The following DLGAP2 variants were observed in gnomAD, a reference collection of about 807,000 sequenced individuals.
DLGAP2 encodes the protein disks large-associated protein 2.
A neutral mutation model predicts 100.3 loss-of-function variants in DLGAP2; 26 were observed. That is an observed-to-expected ratio of 0.26 (90% confidence interval 0.19 to 0.36). The LOEUF (loss-of-function observed/expected upper bound fraction) is 0.36. DLGAP2 is among the 10% of genes least tolerant of loss of function. DLGAP2 has a pLI of 1.00. For missense variants in DLGAP2, 1,858 were observed against 1,453.2 expected (o/e 1.28, Z -4.53); for synonymous variants, 886 against 630.1 (o/e 1.41, Z -6.08).
At position 1,254,916 on chromosome 8, in the gene DLGAP2, A is replaced by G. The variant is rs55685179; in HGVS notation, c.74-3935A>G. ...GCTGTGTCTGTGCTCTCTCCTGCCCAGGTGCTGTGTGTGTGCCCTCTCCTG... is the reference window on the plus strand; with the variant it reads ...GCTGTGTCTGTGCTCTCTCCTGCCCGGGTGCTGTGTGTGTGCCCTCTCCTG... On this transcript the variant is annotated intron_variant, in intron 2 of 14. Transcript: ENST00000637795. Among the ~76,000 whole-genome samples, 346 of 94,256 alleles carry G rather than the reference A, an allele frequency of 3.7e-3. 2 individuals carry two copies. The highest frequency in any genetic ancestry group is 0.026 in the Middle Eastern group (4 of 154). The allele number at this position is 94,256 out of a possible 152,430, so 61.8% of individuals were successfully genotyped here.
intron 3 of DLGAP2, among the ~76,000 whole-genome samples, chr8:1,367,658 A>G (rs73670790): frequency 0.015 from 2,275 of 152,356 alleles, 46 homozygotes; most frequent in African/African-American, 0.05. Flanking sequence ...TGTGGTTGCT[A>G]TGCATGGAAA....
chr8:929,831 T>C (rs1334753911), intron 2 of DLGAP2, among the ~76,000 whole-genome samples: 1 of 151,460 alleles, frequency 6.6e-6, no homozygotes, highest in Admixed American at 6.6e-5. Context: ...GTACAAGTCA[T>C]TTCCACTTTA....
At chr8:1,436,479 C>T (rs1305572104) in intron 3 of DLGAP2, among the ~76,000 whole-genome samples, 1 of 152,178 alleles carries the variant, frequency 6.6e-6, no homozygotes, top group East Asian at 1.9e-4. Flanking sequence ...CCTCTCCCAG[C>T]CCACTGACTC....
chr8:882,923 G>A (rs1478222595), intron 1 of DLGAP2, among the ~76,000 whole-genome samples: 1 of 152,234 alleles, frequency 6.6e-6, no homozygotes, highest in Non-Finnish European at 1.5e-5. Context: ...GCATCGGTCT[G>A]GGCATGGGTA....
chr8:917,816 G>T (rs1204473438), intron 2 of DLGAP2, among the ~76,000 whole-genome samples: 3 of 151,736 alleles, frequency 2.0e-5, no homozygotes, highest in Non-Finnish European at 2.9e-5. Flanking sequence ...CCTGACCTCG[G>T]GATCCGCCTG....
intron 6 of DLGAP2, among the ~76,000 whole-genome samples, chr8:1,598,003 G>C (rs1198622164): frequency 6.6e-6 from 1 of 152,154 alleles, no homozygotes; most frequent in Non-Finnish European, 1.5e-5. Flanking sequence ...TTGGCTGTGG[G>C]TTTGTCATAA....
At chr8:1,258,980 C>A in intron 3 of DLGAP2, 97 bp downstream of exon 3, 2 of 1,053,964 alleles carry the variant, frequency 1.9e-6, no homozygotes, top group South Asian at 4.8e-5. Context: ...TGGAGAGAAC[C>A]TTGAACATTG....
chr8:1,290,649 C>A (rs889327292), intron 3 of DLGAP2, among the ~76,000 whole-genome samples: 2 of 152,192 alleles, frequency 1.3e-5, no homozygotes, highest in African/African-American at 4.8e-5. Context: ...AGGACGGTGG[C>A]TGACCTTTAA....
At chr8:1,018,701 T>C (rs1270747022) in intron 2 of DLGAP2, 1 of 152,248 alleles carries the variant, frequency 6.6e-6, no homozygotes, top group Non-Finnish European at 1.5e-5. Flanking sequence ...TAATTGACTA[T>C]TTTAGGTCAT....
At chr8:1,357,035 T>A (rs1196110458) in intron 3 of DLGAP2, among the ~76,000 whole-genome samples, 1 of 150,678 alleles carries the variant, frequency 6.6e-6, no homozygotes, top group Non-Finnish European at 1.5e-5. Flanking sequence ...GCGGGAGAAA[T>A]CATCCTCCCT....
chr8:769,111 G>A (rs141934184), intron 1 of DLGAP2, among the ~76,000 whole-genome samples: 94 of 152,256 alleles, frequency 6.2e-4, no homozygotes, highest in African/African-American at 2.2e-3. Context: ...TAGCAATAGT[G>A]AGTGTGAGCA....
At chr8:1,324,278 T>G (rs1480375955) in intron 3 of DLGAP2, among the ~76,000 whole-genome samples, 1 of 152,198 alleles carries the variant, frequency 6.6e-6, no homozygotes, top group East Asian at 1.9e-4. Flanking sequence ...ACAACAGAGT[T>G]TTCATTGAGC....
At chr8:1,281,207 G>A (rs766496169) in intron 3 of DLGAP2, among the ~76,000 whole-genome samples, 4 of 152,220 alleles carry the variant, frequency 2.6e-5, no homozygotes, top group African/African-American at 4.8e-5. Context: ...TGTCTCAGCA[G>A]TGCTGATTTC....
Position 1,167,775 on chromosome 8 carries a change from T to TC in DLGAP2, c.74-91075dup, listed in dbSNP as rs551410055. Among the ~76,000 whole-genome samples the TC allele has an allele frequency of 4.3e-4, 66 of 152,296 alleles. No homozygotes were observed. The South Asian group carries it at 8.5e-3, about 20-fold the overall frequency. On this transcript the variant is annotated intron_variant, in intron 2 of 14. Transcript: ENST00000637795. ...AAACATTTGTTGAACGTCTACAGTGTCTGACACTGAGGTACAAAGTCAAGT... is the reference window on the plus strand; with the variant it reads ...AAACATTTGTTGAACGTCTACAGTGTCCTGACACTGAGGTACAAAGTCAAGT...
At chr8:990,376 C>G (rs1247886513) in intron 2 of DLGAP2, among the ~76,000 whole-genome samples, 1 of 102,424 alleles carries the variant, frequency 9.8e-6, no homozygotes, top group Non-Finnish European at 2.1e-5. Flanking sequence ...CCCCCTGCAC[C>G]CCCATACTCG....
At position 1,683,541 on chromosome 8, in the gene DLGAP2, C is replaced by A. The variant is rs1799013918; in HGVS notation, c.2704+4912C>A. On this transcript the variant is annotated intron_variant, in intron 12 of 14. Transcript: ENST00000637795. ...TGCTGTCATTTGAGATTTTAGGCTCCTTCAATGAAGTGGCCACATTTGACA... is the reference window on the plus strand; with the variant it reads ...TGCTGTCATTTGAGATTTTAGGCTCATTCAATGAAGTGGCCACATTTGACA... Among the ~76,000 whole-genome samples the A allele has an allele frequency of 1.3e-5, 2 of 151,130 alleles. 1 individual carries two copies. The highest frequency in any genetic ancestry group is 3.0e-5 in the Non-Finnish European group (2 of 67,552).
intron 2 of DLGAP2, among the ~76,000 whole-genome samples, chr8:1,011,686 A>C (rs1289517029): frequency 6.7e-6 from 1 of 148,612 alleles, no homozygotes; most frequent in African/African-American, 2.5e-5. Context: ...CAGTCTATAG[A>C]GTGAGCCCTG....
At chr8:1,160,914 T>G (rs10093077) in intron 2 of DLGAP2, among the ~76,000 whole-genome samples, 23,412 of 152,288 alleles carry the variant, frequency 0.15, 2,226 homozygotes, top group Admixed American at 0.23. Flanking sequence ...GGCCGTCATC[T>G]GGGTTTTTCA....
rs138225001 is a variant in DLGAP2 at position 1,584,180 on chromosome 8, G to A, written c.1442+18286G>A. Among the ~76,000 whole-genome samples, 222 of 152,198 alleles carry A rather than the reference G, an allele frequency of 1.5e-3. 2 individuals are homozygous for A. The highest frequency in any genetic ancestry group is 0.014 in the Middle Eastern group (4 of 294). On this transcript the variant is annotated intron_variant, in intron 6 of 14. Coordinates refer to ENST00000637795, the MANE Select transcript of DLGAP2 (RefSeq NM_001346810.2). ...CACTGGATGAATGGATAAAACCATC[G>A]TCTTATGACTCATTTGTCAGGGATT...
Sources: allele counts gnomAD v4.1 joint callset (sites outside exome capture counted in the v4.1 genomes callset), GRCh38; gene constraint gnomAD v4.1.1; transcripts MANE v1.5; gene names NCBI Gene and HGNC (gene_info 2026-07-23, HGNC 2026-07-21).